TMEM132B: variants seen among roughly 807,000 people sequenced by gnomAD.
TMEM132B encodes the protein transmembrane protein 132B.
A neutral mutation model predicts 90.8 loss-of-function variants in TMEM132B; 18 were observed. That is an observed-to-expected ratio of 0.20 (90% CI 0.14 to 0.29). The LOEUF (loss-of-function observed/expected upper bound fraction) is 0.29, where lower values mean the gene tolerates loss of function less well. TMEM132B is among the 10% of genes least tolerant of loss of function. The pLI is 1.00. For missense variants in TMEM132B, 1,096 were observed against 1,326.8 expected, an observed-to-expected ratio of 0.83 and a Z score of 2.70; for synonymous variants, 504 against 523.3, an observed-to-expected ratio of 0.96 and a Z score of 0.50.
At chr12:125,256,583 G>T (rs1285107664) in intron 1 of TMEM132B, among the ~76,000 whole-genome samples, 1 of 152,208 alleles carries the variant, frequency 6.6e-6, no homozygotes, top group African/African-American at 2.4e-5. Context: ...GACGTGACCT[G>T]CAAAGCCTGA....
chr12:125,443,933 ATT>A (rs79875848), intron 3 of TMEM132B, among the ~76,000 whole-genome samples: 1 of 146,982 alleles, frequency 6.8e-6, no homozygotes, highest in African/African-American at 2.5e-5. Flanking sequence ...ATGAAAGTGT[ATT>A]TTTTTTTTTC....
intron 1 of TMEM132B, among the ~76,000 whole-genome samples, chr12:125,245,692 G>C (rs1321999268): frequency 2.0e-5 from 3 of 152,084 alleles, no homozygotes; most frequent in African/African-American, 4.8e-5. Context: ...TCGGGGGATG[G>C]GGGGGGACTT....
rs1005033737 is a variant in TMEM132B at position 125,407,382 on chromosome 12, G to C, written c.960-8149G>C. Among the ~76,000 whole-genome samples, 1 of 152,200 alleles carries C rather than the reference G, an allele frequency of 6.6e-6. No individual in the cohort carries two copies. The highest frequency in any genetic ancestry group is 1.5e-5 in the Non-Finnish European group (1 of 68,030). On this transcript the variant is annotated intron_variant, in intron 2 of 8. Coordinates refer to ENST00000682704, the MANE Select transcript of TMEM132B (RefSeq NM_001366854.1). The surrounding 1 kb of genome is among the most constrained non-coding windows in gnomAD (Gnocchi z 6.7). ...TGGAGTATTTAGTTCAAAAGTGGCTGGTCTAAGTAGAAGACAGAAAGATGC... is the reference window on the plus strand; with the variant it reads ...TGGAGTATTTAGTTCAAAAGTGGCTCGTCTAAGTAGAAGACAGAAAGATGC...
intron 3 of TMEM132B, among the ~76,000 whole-genome samples, chr12:125,430,281 T>C (rs1424404425): frequency 6.6e-6 from 1 of 152,224 alleles, no homozygotes; most frequent in African/African-American, 2.4e-5. Flanking sequence ...TGGCCGGGGC[T>C]GTCTGCACAC....
At chr12:125,271,029 C>G (rs148798137) in intron 1 of TMEM132B, among the ~76,000 whole-genome samples, 1,577 of 151,860 alleles carry the variant, frequency 0.01, 80 homozygotes, top group East Asian at 0.024. Flanking sequence ...TAGCTTACTG[C>G]AGCTTCCAAC....
intron 4 of TMEM132B, among the ~76,000 whole-genome samples, chr12:125,568,761 G>T (rs1196868146): frequency 6.6e-6 from 1 of 152,192 alleles, no homozygotes; most frequent in African/African-American, 2.4e-5. Flanking sequence ...AAGCGGGTGT[G>T]TAGCTGGTCA....
chr12:125,557,873 A>T (rs1002097404), intron 4 of TMEM132B, among the ~76,000 whole-genome samples: 2 of 152,132 alleles, frequency 1.3e-5, no homozygotes, highest in African/African-American at 4.8e-5. Context: ...GTAGATGCTG[A>T]GGGGCACCTG....
chr12:125,348,655 C>T (rs971740396), intron 1 of TMEM132B, among the ~76,000 whole-genome samples: 9 of 152,138 alleles, frequency 5.9e-5, no homozygotes, highest in Admixed American at 2.6e-4. Flanking sequence ...CTTATTAACT[C>T]GTTAATCCTT....
chr12:125,331,795 C>T (rs977548613), intron 1 of TMEM132B, among the ~76,000 whole-genome samples: 5 of 152,158 alleles, frequency 3.3e-5, no homozygotes, highest in African/African-American at 1.2e-4. Context: ...GCTCTGTCGC[C>T]CAGGCTGGAG....
chr12:125,415,787 A>G lies in TMEM132B; in HGVS notation c.1106+110A>G. ...GGATAAAGCGATGCCTCTGCGTTTA[A>G]TGAGAAATGATTTTTGAGGTCGGCA... On this transcript the variant is annotated intron_variant, in intron 3 of 8. Coordinates refer to ENST00000682704, the MANE Select transcript of TMEM132B (RefSeq NM_001366854.1). This position sits in a 1 kb window ranked among gnomAD's most constrained non-coding sequence, Gnocchi z 5.3. 1 of 1,342,296 alleles carries G rather than the reference A, an allele frequency of 7.4e-7. No individual in the cohort carries two copies. The allele number at this position is 1,342,296 out of a possible 1,614,324, so 83.1% of individuals were successfully genotyped here.
intron 4 of TMEM132B, among the ~76,000 whole-genome samples, chr12:125,548,812 C>T (rs147084296): frequency 1.2e-3 from 186 of 152,108 alleles, no homozygotes; most frequent in African/African-American, 4.5e-3. Context: ...CTGAGGGTTA[C>T]GATTGGAGGT....
At chr12:125,396,030 C>T (rs909057465) in intron 2 of TMEM132B, among the ~76,000 whole-genome samples, 1 of 152,206 alleles carries the variant, frequency 6.6e-6, no homozygotes, top group Non-Finnish European at 1.5e-5. Flanking sequence ...ACCAATCACT[C>T]TGTCAGGAGG....
At chr12:125,288,323 T>C (rs1474601852) in intron 1 of TMEM132B, among the ~76,000 whole-genome samples, 3 of 151,260 alleles carry the variant, frequency 2.0e-5, no homozygotes, top group Admixed American at 6.6e-5. Context: ...ATTAGCCGGG[T>C]GTGGTGGTGC....
intron 3 of TMEM132B, among the ~76,000 whole-genome samples, chr12:125,506,725 A>C (rs377532913): frequency 9.2e-5 from 14 of 152,256 alleles, no homozygotes; most frequent in African/African-American, 3.4e-4. Flanking sequence ...TGACATCAAC[A>C]TGATGAACAT....
intron 3 of TMEM132B, among the ~76,000 whole-genome samples, chr12:125,505,555 T>C (rs934860055): frequency 1.3e-5 from 2 of 151,806 alleles, no homozygotes; most frequent in African/African-American, 2.4e-5. Flanking sequence ...AAAAATTAGC[T>C]GGGCCTGGTG....
At chr12:125,487,342 A>G (rs1005110367) in intron 3 of TMEM132B, among the ~76,000 whole-genome samples, 3 of 152,166 alleles carry the variant, frequency 2.0e-5, no homozygotes, top group Non-Finnish European at 2.9e-5. Context: ...TTTGACCTCT[A>G]CTATTATAGC....
chr12:125,278,675 A>G (rs1875073770), intron 1 of TMEM132B, among the ~76,000 whole-genome samples: 1 of 152,148 alleles, frequency 6.6e-6, no homozygotes, highest in Non-Finnish European at 1.5e-5. Context: ...CCAGCAAACT[A>G]TGCCATTATT....
intron 5 of TMEM132B, among the ~76,000 whole-genome samples, chr12:125,643,233 A>T (rs556638756): frequency 6.6e-6 from 1 of 152,324 alleles, no homozygotes; most frequent in Non-Finnish European, 1.5e-5. Context: ...CACAGGCTTG[A>T]CACTGCCCCT....
intron 5 of TMEM132B, among the ~76,000 whole-genome samples, chr12:125,589,266 A>T (rs112420355): frequency 0.015 from 2,214 of 152,198 alleles, 45 homozygotes; most frequent in African/African-American, 0.049. Context: ...GCAGATCACG[A>T]GGTCAGGAGA....
Sources: gnomAD v4.1 joint callset for allele counts (sites outside exome capture counted in the v4.1 genomes callset) on GRCh38, gnomAD v4.1.1 for gene constraint, Gnocchi (gnomAD v3.1) non-coding constraint, MANE v1.5 for transcripts, NCBI Gene and HGNC (gene_info 2026-07-23, HGNC 2026-07-21) for gene names.